The following AKR1C8 variants were observed in gnomAD, a reference collection of about 807,000 sequenced individuals.
AKR1C8 encodes the protein aldo-keto reductase family 1 member C8.
chr10:5,181,180 T>C, the AKR1C8 span, among the ~76,000 whole-genome samples: 2 of 152,210 alleles, frequency 1.3e-5, no homozygotes, highest in Non-Finnish European at 1.5e-5. Context: ...ACAATATGTA[T>C]AAAGAATTAT....
chr10:5,176,932 A>G, the AKR1C8 span, among the ~76,000 whole-genome samples: 2 of 152,138 alleles, frequency 1.3e-5, no homozygotes. Context: ...AAACAGGGAT[A>G]ATTTGACTTC....
chr10:5,153,564 G>A, the AKR1C8 span, among the ~76,000 whole-genome samples: 1 of 152,196 alleles, frequency 6.6e-6, no homozygotes, highest in African/African-American at 2.4e-5. Context: ...TCTGCAGGCT[G>A]TGTAGGATGC....
the AKR1C8 span, among the ~76,000 whole-genome samples, chr10:5,126,540 C>T: frequency 3.9e-5 from 6 of 152,180 alleles, no homozygotes; most frequent in East Asian, 9.7e-4. Flanking sequence ...CATTTATCTA[C>T]CTACTTTAAC....
chr10:5,139,336 T>C, the AKR1C8 span, among the ~76,000 whole-genome samples: 14 of 152,166 alleles, frequency 9.2e-5, no homozygotes, highest in African/African-American at 3.1e-4. Flanking sequence ...AGAGCCTGCA[T>C]TGCCAAGACA....
chr10:5,140,141 G>C, the AKR1C8 span, among the ~76,000 whole-genome samples: 2 of 152,108 alleles, frequency 1.3e-5, no homozygotes, highest in Non-Finnish European at 2.9e-5. Context: ...AAAAAGTCAG[G>C]AAACAACAGA....
At chr10:5,119,753 G>C in the AKR1C8 span, among the ~76,000 whole-genome samples, 1 of 152,142 alleles carries the variant, frequency 6.6e-6, no homozygotes, top group African/African-American at 2.4e-5. Context: ...TCACTCAATA[G>C]CTCATGGTCA....
At chr10:5,122,187 C>T in the AKR1C8 span, 1 of 372,302 alleles carries the variant, frequency 2.7e-6, no homozygotes, top group Non-Finnish European at 5.5e-6. Context: ...AGGCGATACT[C>T]ACATTCACCT....
the AKR1C8 span, chr10:5,157,909 T>C: frequency 3.4e-5 from 12 of 355,218 alleles, no homozygotes; most frequent in Non-Finnish European, 6.2e-5. Flanking sequence ...GTGGGCACAA[T>C]ACAATTTGAT....
the AKR1C8 span, among the ~76,000 whole-genome samples, chr10:5,153,659 G>A: frequency 2.0e-5 from 3 of 152,246 alleles, no homozygotes; most frequent in African/African-American, 7.2e-5. Context: ...AGAGCAGCAG[G>A]AAGAGAGTGA....
At chr10:5,122,075 C>CAAGT in the AKR1C8 span, 1 of 334,230 alleles carries the variant, frequency 3.0e-6, no homozygotes, top group South Asian at 2.7e-5. Context: ...AAAGAATCTG[C>CAAGT]ATCACTTAAA....
At chr10:5,139,460 C>A in the AKR1C8 span, among the ~76,000 whole-genome samples, 1 of 152,180 alleles carries the variant, frequency 6.6e-6, no homozygotes, top group East Asian at 1.9e-4. Flanking sequence ...GAGATATAGA[C>A]CAATGGAACA....
chr10:5,164,944 T>C, the AKR1C8 span, among the ~76,000 whole-genome samples: 3 of 152,190 alleles, frequency 2.0e-5, no homozygotes, highest in Non-Finnish European at 4.4e-5. Flanking sequence ...TCTTTGTATA[T>C]AATGTTATAG....
the AKR1C8 span, among the ~76,000 whole-genome samples, chr10:5,117,263 G>A: frequency 6.6e-6 from 1 of 152,030 alleles, no homozygotes; most frequent in African/African-American, 2.4e-5. Context: ...GGATTCAGGA[G>A]CAAACAATGA....
At chr10:5,150,200 T>A in the AKR1C8 span, among the ~76,000 whole-genome samples, 229 of 152,232 alleles carry the variant, frequency 1.5e-3, 1 homozygote, top group African/African-American at 4.7e-3. Flanking sequence ...AATGTACCCG[T>A]TGGACTCCTT....
At chr10:5,136,791 A>G in the AKR1C8 span, among the ~76,000 whole-genome samples, 1 of 152,180 alleles carries the variant, frequency 6.6e-6, no homozygotes, top group African/African-American at 2.4e-5. Context: ...AACATGAAGG[A>G]CAACAATAAG....
the AKR1C8 span, among the ~76,000 whole-genome samples, chr10:5,142,893 T>A: frequency 1.3e-5 from 2 of 152,092 alleles, no homozygotes; most frequent in Admixed American, 1.3e-4. Flanking sequence ...AATGCAGGGT[T>A]GCTACAAATG....
At chr10:5,169,471 G>A in the AKR1C8 span, among the ~76,000 whole-genome samples, 1 of 43,248 alleles carries the variant, frequency 2.3e-5, no homozygotes, top group African/African-American at 7.1e-5. Context: ...GATTAATTAA[G>A]CTGGGTAAAA....
the AKR1C8 span, among the ~76,000 whole-genome samples, chr10:5,151,163 T>A: frequency 6.6e-6 from 1 of 152,124 alleles, no homozygotes; most frequent in East Asian, 1.9e-4. Context: ...AGCTGATCTA[T>A]CAGGTTCAGG....
chr10:5,182,837 G>T, the AKR1C8 span, among the ~76,000 whole-genome samples: 2 of 151,806 alleles, frequency 1.3e-5, no homozygotes, highest in African/African-American at 4.8e-5. Context: ...TTGAACCCAG[G>T]AGGCGGAGGT....
Sources: gnomAD v4.1 joint callset for allele counts (sites outside exome capture counted in the v4.1 genomes callset) on GRCh38, gnomAD v4.1.1 for gene constraint, MANE v1.5 for transcripts, NCBI Gene and HGNC (gene_info 2026-07-23, HGNC 2026-07-21) for gene names.